FAM78B: variants seen among roughly 807,000 people sequenced by gnomAD.
The protein encoded by FAM78B is family with sequence similarity 78 member B, also known as protein FAM78B.
A neutral mutation model predicts 20.0 loss-of-function variants in FAM78B; 10 were observed. The observed-to-expected ratio is 0.50, with a 90% confidence interval of 0.31 to 0.85. FAM78B has a LOEUF of 0.85. Ranked by LOEUF, FAM78B falls within the 40% of genes least tolerant of loss-of-function variation. The pLI is 0.05. For synonymous variants in FAM78B, 135 were observed against 132.8 expected, an observed-to-expected ratio of 1.02 and a Z score of -0.12; for missense variants, 283 against 345.0, an observed-to-expected ratio of 0.82 and a Z score of 1.42.
At chr1:166,088,633 C>T (rs12090916) in intron 1 of FAM78B, among the ~76,000 whole-genome samples, 25,184 of 152,172 alleles carry the variant, frequency 0.17, 2,236 homozygotes, top group East Asian at 0.27. Context: ...CCAGGCCTCA[C>T]GGACTGGCAT....
chr1:166,076,952 C>A (rs1478489198), intron 1 of FAM78B, among the ~76,000 whole-genome samples: 1 of 152,050 alleles, frequency 6.6e-6, no homozygotes, highest in Non-Finnish European at 1.5e-5. Context: ...GGATGACAGA[C>A]CTGTCACATG....
chr1:166,061,608 G>A (rs1402699776), intron 2 of FAM78B, among the ~76,000 whole-genome samples: 7 of 152,256 alleles, frequency 4.6e-5, no homozygotes, highest in Admixed American at 2.0e-4. Context: ...AAGACAATGC[G>A]CCATTACATA....
intron 1 of FAM78B, among the ~76,000 whole-genome samples, chr1:166,109,890 G>GTATATATGTATGTATATATATATATATA (rs1557903394): frequency 2.2e-4 from 5 of 23,188 alleles, no homozygotes; most frequent in South Asian, 3.6e-3. Flanking sequence ...ATGTATATAT[G>GTATATATGTATGTATATATATATATATA]TATATATATA....
intron 1 of FAM78B, among the ~76,000 whole-genome samples, chr1:166,102,415 A>G (rs569419805): frequency 6.6e-6 from 1 of 152,352 alleles, no homozygotes; most frequent in South Asian, 2.1e-4. Context: ...AGACTGGCAA[A>G]TTGGATAAAG....
At position 166,070,405 on chromosome 1, in the gene FAM78B, G is replaced by A. The variant is rs747327778; in HGVS notation, c.622C>T (p.Arg208Trp). Residue 208 changes from arginine (R) to tryptophan (W), a missense_variant, in exon 2 of 2, where the codon CGG becomes TGG. Transcript: ENST00000354422. ...TGAGTCCTGCCCACCAGCCGGGCCCGCTGCCCCAAGAGCTGAAGAGGGTCC... is the reference window on the plus strand; with the variant it reads ...TGAGTCCTGCCCACCAGCCGGGCCCACTGCCCCAAGAGCTGAAGAGGGTCC... Reference protein sequence around the residue: ...EVDPLQLLGQRARLVGRTQQE... With the variant: ...EVDPLQLLGQWARLVGRTQQE... 9 of 1,614,104 alleles carry A rather than the reference G, an allele frequency of 5.6e-6. No homozygotes were observed. The highest frequency in any genetic ancestry group is 7.6e-6 in the Non-Finnish European group (9 of 1,180,004).
intron 1 of FAM78B, among the ~76,000 whole-genome samples, chr1:166,136,102 G>A (rs907697766): frequency 6.6e-6 from 1 of 152,134 alleles, no homozygotes; most frequent in Admixed American, 6.5e-5. Context: ...TATTCTAGGT[G>A]GGCTAAGTAC....
At chr1:166,129,926 A>G (rs1297859871) in intron 1 of FAM78B, among the ~76,000 whole-genome samples, 1 of 152,220 alleles carries the variant, frequency 6.6e-6, no homozygotes. Flanking sequence ...AAGCCTCCGT[A>G]GACTGATCAC....
chr1:166,060,520 G>A (rs1380243692), exon 3 of FAM78B: 7 of 1,015,978 alleles, frequency 6.9e-6, no homozygotes, highest in Non-Finnish European at 9.5e-6. Context: ...AGGCGAGGAG[G>A]TAGGCAGGAT....
intron 1 of FAM78B, among the ~76,000 whole-genome samples, chr1:166,095,189 T>C (rs1653229858): frequency 6.6e-6 from 1 of 152,062 alleles, no homozygotes; most frequent in African/African-American, 2.4e-5. Flanking sequence ...TCAGGGTGGT[T>C]GCATTTCCCC....
chr1:166,092,592 G>T lies in FAM78B; in HGVS notation c.264-21829C>A, dbSNP rs150175126. On this transcript the variant is annotated intron_variant, in intron 1 of 1. Transcript: ENST00000354422. ...TCTTGTCATGAAGGTTGCAGACTCT[G>T]ATTCCCCTTTATCCCATGCTCCTCA... Among the ~76,000 whole-genome samples, 463 of 152,286 alleles carry T rather than the reference G, an allele frequency of 3.0e-3. 3 individuals carry two copies. Among genetic ancestry groups the T allele is most frequent in the African/African-American group, 0.011 (449 of 41,550 alleles).
At chr1:166,148,721 A>G (rs999447632) in intron 1 of FAM78B, among the ~76,000 whole-genome samples, 5 of 152,246 alleles carry the variant, frequency 3.3e-5, no homozygotes, top group African/African-American at 9.6e-5. Flanking sequence ...AGCCAGGAAG[A>G]TCAGATGACA....
intron 1 of FAM78B, among the ~76,000 whole-genome samples, chr1:166,110,442 CATT>C (rs1004089898): frequency 6.6e-6 from 1 of 151,954 alleles, no homozygotes; most frequent in African/African-American, 2.4e-5. Context: ...GGACATTACT[CATT>C]ATTATTATTA....
chr1:166,146,729 C>T (rs1452738122), intron 1 of FAM78B, among the ~76,000 whole-genome samples: 2 of 152,208 alleles, frequency 1.3e-5, no homozygotes, highest in East Asian at 3.9e-4. Flanking sequence ...TAAAAGTAGA[C>T]AAATCATAGA....
chr1:166,145,039 T>C (rs1420567674), intron 1 of FAM78B, among the ~76,000 whole-genome samples: 1 of 152,138 alleles, frequency 6.6e-6, no homozygotes, highest in African/African-American at 2.4e-5. Context: ...CCCCAGTTCC[T>C]TGAATCTCAA....
chr1:166,084,085 T>G (rs1652694906), intron 1 of FAM78B, among the ~76,000 whole-genome samples: 1 of 151,990 alleles, frequency 6.6e-6, no homozygotes, highest in Non-Finnish European at 1.5e-5. Flanking sequence ...GAGAAATGAT[T>G]CATTCATGGC....
chr1:166,075,744 GTCT>G (rs1257651472), intron 1 of FAM78B, among the ~76,000 whole-genome samples: 1 of 152,110 alleles, frequency 6.6e-6, no homozygotes, highest in Admixed American at 6.5e-5. Context: ...TTAGGCTTTG[GTCT>G]TCTTCTCTTT....
chr1:166,083,815 T>A (rs1015530514), intron 1 of FAM78B, among the ~76,000 whole-genome samples: 1 of 150,812 alleles, frequency 6.6e-6, no homozygotes, highest in African/African-American at 2.4e-5. Flanking sequence ...TTTTTTTTTT[T>A]TTTTTTTTAA....
At position 166,161,125 on chromosome 1, in the gene FAM78B, A is replaced by G. The variant is rs1656131457; in HGVS notation, c.263+4861T>C. Among the ~76,000 whole-genome samples the G allele has an allele frequency of 2.0e-5, 3 of 152,198 alleles. No individual in the cohort carries two copies. The South Asian group carries it at 6.2e-4, about 32-fold the overall frequency. The stretch of plus-strand genomic sequence containing the variant: ...AAGAAGGCTGACAAGGCTTAAGAAC[A>G]GAAAATCAGAGAACAGAAAGAGATT... On this transcript the variant is annotated intron_variant, in intron 1 of 1. Transcript: ENST00000354422.
At chr1:166,109,903 T>TATAC (rs1653978693) in intron 1 of FAM78B, among the ~76,000 whole-genome samples, 2 of 102,316 alleles carry the variant, frequency 2.0e-5, no homozygotes, top group Admixed American at 1.2e-4. Flanking sequence ...TATATATATA[T>TATAC]ATATATATAT....
Sources: allele counts gnomAD v4.1 joint callset (sites outside exome capture counted in the v4.1 genomes callset), GRCh38; gene constraint gnomAD v4.1.1; transcripts MANE v1.5; gene names NCBI Gene and HGNC (gene_info 2026-07-23, HGNC 2026-07-21).